Variants in IMMP2L observed in about 807,000 individuals in gnomAD.
IMMP2L encodes inner mitochondrial membrane peptidase subunit 2, also known as mitochondrial inner membrane protease subunit 2.
In IMMP2L, 18 loss-of-function variants were observed where a neutral mutation model predicts 19.3. That is an observed-to-expected ratio of 0.93 (90% confidence interval 0.64 to 1.38). The LOEUF (loss-of-function observed/expected upper bound fraction) is 1.38, where lower values mean the gene tolerates loss of function less well. Ranked by LOEUF, IMMP2L falls within the 40% of genes most tolerant of loss-of-function variation. The pLI, the probability that IMMP2L is intolerant of heterozygous loss-of-function variation, is 0.00. For missense variants in IMMP2L, 233 were observed against 218.2 expected (o/e 1.07, Z -0.43); for synonymous variants, 76 against 73.0 (o/e 1.04, Z -0.21).
chr7:110,747,388 T>C (rs542591780), intron 5 of IMMP2L, among the ~76,000 whole-genome samples: 1 of 152,300 alleles, frequency 6.6e-6, no homozygotes, highest in East Asian at 1.9e-4. Flanking sequence ...GAATCCTTCC[T>C]AACTCATTTA....
chr7:110,691,292 A>G (rs544466683), intron 5 of IMMP2L, among the ~76,000 whole-genome samples: 181 of 152,194 alleles, frequency 1.2e-3, no homozygotes, highest in African/African-American at 4.2e-3. Context: ...CTGGATCCCT[A>G]TCTCTTACCA....
chr7:110,693,883 C>T (rs114312083), intron 5 of IMMP2L, among the ~76,000 whole-genome samples: 111 of 152,212 alleles, frequency 7.3e-4, no homozygotes, highest in African/African-American at 2.6e-3. Context: ...TTCTGGGGTA[C>T]TTGTGGTAGC....
intron 5 of IMMP2L, among the ~76,000 whole-genome samples, chr7:110,824,833 T>A (rs1803324653): frequency 6.6e-6 from 1 of 152,090 alleles, no homozygotes; most frequent in Admixed American, 6.6e-5. Context: ...TCCCATTTTA[T>A]CACACCAAAT....
chr7:111,334,130 T>A (rs1316816328), intron 3 of IMMP2L, among the ~76,000 whole-genome samples: 2 of 151,970 alleles, frequency 1.3e-5, no homozygotes, highest in African/African-American at 2.4e-5. Context: ...CATATGTAAT[T>A]TATCATCTAT....
rs1554550178 is a variant in IMMP2L, at chr7:111,556,035, T to TATATATATATATATATATACAC, written c.-3+5815_-3+5816insGTGTATATATATATATATATAT. On this transcript the variant is annotated intron_variant, in intron 1 of 5. Coordinates refer to ENST00000405709, the MANE Select transcript of IMMP2L (RefSeq NM_032549.4). ...GTGTGCATGTATATATATATATATA[T>TATATATATATATATATATACAC]ACATACCCAAAGAAAATGAAACCGC... Among the ~76,000 whole-genome samples, 232 of 135,712 alleles carry TATATATATATATATATATACAC rather than the reference T, an allele frequency of 1.7e-3. 5 individuals are homozygous for TATATATATATATATATATACAC. Among genetic ancestry groups the TATATATATATATATATATACAC allele is most frequent in the African/African-American group, 5.7e-3 (209 of 36,408 alleles). The allele number at this position is 135,712 out of a possible 152,430, so 89.0% of individuals were successfully genotyped here.
At chr7:110,736,944 G>C (rs937815498) in intron 5 of IMMP2L, among the ~76,000 whole-genome samples, 1 of 152,130 alleles carries the variant, frequency 6.6e-6, no homozygotes, top group Non-Finnish European at 1.5e-5. Flanking sequence ...GAATGTATTC[G>C]TATGTGAGAA....
intron 5 of IMMP2L, among the ~76,000 whole-genome samples, chr7:110,836,515 T>G (rs1038148552): frequency 3.9e-5 from 6 of 152,138 alleles, no homozygotes; most frequent in African/African-American, 7.2e-5. Context: ...TGCTGCCATG[T>G]GAGACGTGCC....
chr7:111,382,777 G>T (rs908783799), intron 3 of IMMP2L, among the ~76,000 whole-genome samples: 2 of 152,058 alleles, frequency 1.3e-5, no homozygotes, highest in Non-Finnish European at 2.9e-5. Context: ...GTCCAGAAAT[G>T]AAAGTGAAGG....
In IMMP2L at chr7:110,884,205, G is replaced by A. The variant is rs190204736; in HGVS notation, c.408+2388C>T. The stretch of plus-strand genomic sequence containing the variant: ...GCAATAATCAGTTATTTTGTGTGCT[G>A]GTGAAGAACATCATGGCTACAATAG... On this transcript the variant is annotated intron_variant, in intron 5 of 5. Transcript: ENST00000405709. 3.3e-5 allele frequency among the ~76,000 whole-genome samples: 5 copies of A among 152,062 alleles called. 1 individual carries two copies. The highest frequency in any genetic ancestry group is 1.2e-4 in the African/African-American group (5 of 41,540).
chr7:110,737,129 G>T (rs1455611287), intron 5 of IMMP2L, among the ~76,000 whole-genome samples: 1 of 152,174 alleles, frequency 6.6e-6, no homozygotes, highest in Non-Finnish European at 1.5e-5. Flanking sequence ...GTGAACTTTT[G>T]CTCCAGGAAC....
At chr7:110,783,320 A>G (rs1799865629) in intron 5 of IMMP2L, among the ~76,000 whole-genome samples, 1 of 151,822 alleles carries the variant, frequency 6.6e-6, no homozygotes, top group South Asian at 2.1e-4. Context: ...AACATCCTCA[A>G]TTACAATGAG....
At chr7:111,277,292 T>G (rs1216556312) in intron 3 of IMMP2L, among the ~76,000 whole-genome samples, 1 of 151,448 alleles carries the variant, frequency 6.6e-6, no homozygotes, top group Non-Finnish European at 1.5e-5. Context: ...AGCAAAGGAA[T>G]GAACATTTTC....
chr7:111,158,289 T>C (rs549732461), intron 3 of IMMP2L, among the ~76,000 whole-genome samples: 1 of 152,224 alleles, frequency 6.6e-6, no homozygotes, highest in South Asian at 2.1e-4. Context: ...GGTAGATAGA[T>C]ATAGATACAC....
At chr7:111,075,641 G>T (rs1268458373) in intron 3 of IMMP2L, among the ~76,000 whole-genome samples, 2 of 151,918 alleles carry the variant, frequency 1.3e-5, no homozygotes, top group Non-Finnish European at 2.9e-5. Context: ...CTTTCTCACT[G>T]TCCTCTGCTG....
intron 2 of IMMP2L, among the ~76,000 whole-genome samples, chr7:111,494,272 G>A (rs1413644036): frequency 6.6e-6 from 1 of 152,082 alleles, no homozygotes; most frequent in Non-Finnish European, 1.5e-5. Context: ...ATTCCTGCTA[G>A]TAGTCACAGT....
chr7:110,914,708 C>G (rs1563077098), intron 4 of IMMP2L, among the ~76,000 whole-genome samples: 1 of 152,116 alleles, frequency 6.6e-6, no homozygotes, highest in Non-Finnish European at 1.5e-5. Context: ...CTTCTCAATG[C>G]CTCAAACTAA....
At chr7:110,725,609 T>C (rs1194304203) in intron 5 of IMMP2L, 1 of 152,212 alleles carries the variant, frequency 6.6e-6, no homozygotes, top group African/African-American at 2.4e-5. Flanking sequence ...TTGCTGATCA[T>C]GTCTACTATG....
intron 1 of IMMP2L, among the ~76,000 whole-genome samples, chr7:111,541,230 T>C (rs1848481904): frequency 6.6e-6 from 1 of 152,144 alleles, no homozygotes; most frequent in Non-Finnish European, 1.5e-5. Flanking sequence ...TCATCATCAA[T>C]ACACCCATGT....
intron 5 of IMMP2L, among the ~76,000 whole-genome samples, chr7:110,748,737 C>T (rs1182608312): frequency 6.6e-6 from 1 of 152,092 alleles, no homozygotes; most frequent in East Asian, 1.9e-4. Flanking sequence ...ACACCTTATA[C>T]AAAAATTAAC....
Sources: allele counts gnomAD v4.1 joint callset (sites outside exome capture counted in the v4.1 genomes callset), GRCh38; gene constraint gnomAD v4.1.1; transcripts MANE v1.5; gene names NCBI Gene and HGNC (gene_info 2026-07-23, HGNC 2026-07-21).